FBXO22: variants seen among roughly 807,000 people sequenced by gnomAD.
FBXO22 encodes the protein F-box only protein 22.
FBXO22 carries 13 observed loss-of-function variants against 37.2 expected under a neutral mutation model. The observed-to-expected ratio is 0.35, with a 90% CI of 0.23 to 0.56. FBXO22 has a LOEUF of 0.56. FBXO22 is among the 20% of genes least tolerant of loss of function. FBXO22 has a pLI of 0.87. For missense variants in FBXO22, 446 were observed against 509.9 expected (o/e 0.87, Z 1.21); for synonymous variants, 189 against 189.1 (o/e 1.00, Z 0.00).
intron 2 of FBXO22, 85 bp downstream of exon 2, chr15:75,904,714 T>G (rs556573247): frequency 3.5e-5 from 46 of 1,333,032 alleles, no homozygotes; most frequent in Non-Finnish European, 4.3e-5. Context: ...ATCCCAGTTT[T>G]GTTAATTAAA....
chr15:75,909,100 A>G (rs1475062101), intron 2 of FBXO22, among the ~76,000 whole-genome samples: 1 of 152,224 alleles, frequency 6.6e-6, no homozygotes, highest in African/African-American at 2.4e-5. Flanking sequence ...TTGGAAAAAT[A>G]TATCATCCTT....
At chr15:75,926,962 T>C (rs975232630) in intron 5 of FBXO22, among the ~76,000 whole-genome samples, 1 of 152,196 alleles carries the variant, frequency 6.6e-6, no homozygotes. Context: ...TTGAACAGAT[T>C]ACAGACCTAG....
chr15:75,932,860 T>C lies in FBXO22; in HGVS notation c.970T>C (p.Phe324Leu). The change falls in exon 7 of 7, where the codon TTT (phenylalanine) becomes CTT (leucine). Residue 324 changes from phenylalanine (F) to leucine (L), a missense_variant. Phe to Leu is a conservative substitution (Grantham distance 22). This residue lies in a region of FBXO22 where 315 missense variants were observed against 410.1 expected (regional missense o/e 0.77). Coordinates refer to ENST00000308275, the MANE Select transcript of FBXO22 (RefSeq NM_147188.3). ...AGAGCATAACACCATTGGCTTCATG[T>C]TTGCATGCGTTGGCAGGGGCTTTCA... ...IPEHNTIGFM[F>L]ACVGRGFQYY... 1 of 1,614,244 alleles carries C rather than the reference T, an allele frequency of 6.2e-7. No homozygotes were observed. Among genetic ancestry groups the C allele is most frequent in the South Asian group, 1.1e-5 (1 of 91,086 alleles).
intron 2 of FBXO22, among the ~76,000 whole-genome samples, chr15:75,905,197 C>T (rs1356733989): frequency 6.6e-6 from 1 of 152,190 alleles, no homozygotes; most frequent in African/African-American, 2.4e-5. Flanking sequence ...CACCTGCTTC[C>T]CTTGAAGCAA....
intron 2 of FBXO22, among the ~76,000 whole-genome samples, chr15:75,911,206 C>T (rs1900044505): frequency 6.6e-6 from 1 of 152,162 alleles, no homozygotes; most frequent in Non-Finnish European, 1.5e-5. Flanking sequence ...ATGATGCCTC[C>T]AGCTTTTTTC....
In FBXO22 at chr15:75,942,269, G is replaced by A. The variant is rs2031068529; in HGVS notation, c.*9167G>A. On this transcript the variant is annotated 3_prime_UTR_variant, in exon 7 of 7. Coordinates refer to ENST00000308275, the MANE Select transcript of FBXO22 (RefSeq NM_147188.3). ...TTATATATTGGTCAAAATCCATAAA[G>A]ACATACAACAAAAAGAGGACCCTTC... is the stretch of plus-strand genomic sequence containing the variant. 6.6e-6 allele frequency: 1 copy of A among 152,022 alleles called. No homozygotes were observed. The highest frequency in any genetic ancestry group is 6.6e-5 in the Admixed American group (1 of 15,260). The allele number at this position is 152,022 out of a possible 1,614,324, so 9.4% of individuals were successfully genotyped here.
chr15:75,933,120 A>T lies in FBXO22; in HGVS notation c.*18A>T. 1.3e-6 allele frequency: 2 copies of T among 1,570,576 alleles called. No homozygotes were observed. Among genetic ancestry groups the T allele is most frequent in the Non-Finnish European group, 1.7e-6 (2 of 1,160,704 alleles). ...CTAAATAATAATTAAAGTGGCTTTC[A>T]TAATATGTAACTTTTGGGTTCTGCC... On this transcript the variant is annotated 3_prime_UTR_variant, in exon 7 of 7. Coordinates refer to ENST00000308275, the MANE Select transcript of FBXO22 (RefSeq NM_147188.3).
At chr15:75,915,899 CAA>C (rs1177802395) in intron 4 of FBXO22, among the ~76,000 whole-genome samples, 26 of 109,298 alleles carry the variant, frequency 2.4e-4, no homozygotes, top group Non-Finnish European at 2.9e-4. Flanking sequence ...GACTCTGTCT[CAA>C]AAAAAAAAAA....
intron 2 of FBXO22, among the ~76,000 whole-genome samples, chr15:75,905,070 G>A (rs890539837): frequency 7.2e-5 from 11 of 151,970 alleles, no homozygotes; most frequent in East Asian, 3.9e-4. Context: ...TGATCCGCCC[G>A]CCTCGGCCTC....
chr15:75,926,336 G>T (rs1376402735), intron 5 of FBXO22, among the ~76,000 whole-genome samples: 2 of 152,182 alleles, frequency 1.3e-5, no homozygotes, highest in East Asian at 3.8e-4. Flanking sequence ...GAGTGTCAAG[G>T]AGTTGGAGTT....
At chr15:75,925,136 A>C (rs1246816105) in intron 5 of FBXO22, among the ~76,000 whole-genome samples, 1 of 152,142 alleles carries the variant, frequency 6.6e-6, no homozygotes, top group Non-Finnish European at 1.5e-5. Context: ...TCTGGCAGCC[A>C]GTTCTGGGGT....
chr15:75,932,097 C>G (rs1166358247), intron 6 of FBXO22, among the ~76,000 whole-genome samples: 2 of 152,122 alleles, frequency 1.3e-5, no homozygotes, highest in Non-Finnish European at 2.9e-5. Context: ...ATCTGTAGCC[C>G]CAGCTCCTTG....
chr15:75,932,588 G>A (rs1423684930), intron 6 of FBXO22, 97 bp from the exon 7 acceptor site: 1 of 1,190,648 alleles, frequency 8.4e-7, no homozygotes, highest in Non-Finnish European at 1.2e-6. Flanking sequence ...GGCTGCTAAA[G>A]GCAGCAGCCT....
At chr15:75,927,478 C>T (rs1236955040) in intron 5 of FBXO22, among the ~76,000 whole-genome samples, 1 of 152,096 alleles carries the variant, frequency 6.6e-6, no homozygotes, top group Non-Finnish European at 1.5e-5. Context: ...AATGTAGAGT[C>T]TGTCATTATA....
At chr15:75,912,188 G>A (rs1900071678) in intron 2 of FBXO22, among the ~76,000 whole-genome samples, 1 of 151,900 alleles carries the variant, frequency 6.6e-6, no homozygotes, top group African/African-American at 2.4e-5. Flanking sequence ...ATTTTATTGA[G>A]GATTTTCATA....
Position 75,935,456 on chromosome 15 carries a change from T to G in FBXO22, c.*2354T>G, listed in dbSNP as rs772922581. The G allele has an allele frequency of 6.6e-6, 1 of 152,110 alleles. No individual in the cohort carries two copies. Among genetic ancestry groups the G allele is most frequent in the South Asian group, 2.1e-4 (1 of 4,826 alleles). The allele number at this position is 152,110 out of a possible 1,614,324, so 9.4% of individuals were successfully genotyped here. On this transcript the variant is annotated 3_prime_UTR_variant, in exon 7 of 7. Coordinates refer to ENST00000308275, the MANE Select transcript of FBXO22 (RefSeq NM_147188.3). ...AAATACTTATTTCATCTACATACTT[T>G]CAAAGCAAAATAATTTCTGGGGCTA...
At chr15:75,910,622 T>C (rs1002532997) in intron 2 of FBXO22, among the ~76,000 whole-genome samples, 2 of 152,300 alleles carry the variant, frequency 1.3e-5, no homozygotes, top group East Asian at 1.9e-4. Context: ...GTTGTTTTTT[T>C]CTTCAAATTT....
chr15:75,937,177 A>G lies in FBXO22; in HGVS notation c.*4075A>G, dbSNP rs2030426572. 1 of 151,818 alleles carries G rather than the reference A, an allele frequency of 6.6e-6. No individual in the cohort carries two copies. Among genetic ancestry groups the G allele is most frequent in the African/African-American group, 2.4e-5 (1 of 41,360 alleles). 9.4% of individuals were successfully genotyped at this position (151,818 alleles called of 1,614,324 possible). On this transcript the variant is annotated 3_prime_UTR_variant, in exon 7 of 7. Coordinates refer to ENST00000308275, the MANE Select transcript of FBXO22 (RefSeq NM_147188.3). The stretch of plus-strand genomic sequence containing the variant: ...CGACATCAGCAAAAATGGGTGGACT[A>G]GGAAGCTGCAAGCTTTTGTTTGCCT...
Position 75,904,484 on chromosome 15 carries a change from T to C in FBXO22, c.141-7T>C, listed in dbSNP as rs373567025. The C allele has an allele frequency of 7.1e-5, 115 of 1,613,630 alleles. No homozygotes were observed. Among genetic ancestry groups the C allele is most frequent in the Middle Eastern group, 6.6e-4 (4 of 6,076 alleles). On this transcript the variant is annotated splice_polypyrimidine_tract_variant and splice_region_variant and intron_variant, in intron 1 of 6. Coordinates refer to ENST00000308275, the MANE Select transcript of FBXO22 (RefSeq NM_147188.3). ...GTTCGCAATCCTTTGTGCGTTTGCGTCCTCAGCGTGTGCCGCTTATGGAGG... is the reference window on the plus strand; with the variant it reads ...GTTCGCAATCCTTTGTGCGTTTGCGCCCTCAGCGTGTGCCGCTTATGGAGG...
Sources: gnomAD v4.1 joint callset for allele counts (sites outside exome capture counted in the v4.1 genomes callset) on GRCh38, gnomAD v4.1.1 for gene constraint, gnomAD v4.1.1 regional missense constraint, MANE v1.5 for transcripts, NCBI Gene and HGNC (gene_info 2026-07-23, HGNC 2026-07-21) for gene names.